Variants in RANBP2 observed in about 807,000 individuals in gnomAD.
RANBP2 encodes the protein RAN binding protein 2.
RANBP2 carries 57 observed loss-of-function variants against 303.6 expected under a neutral mutation model. The ratio of observed to expected loss-of-function variants is 0.19; its 90% CI spans 0.15 to 0.23. The LOEUF is 0.23. Ranked by LOEUF, RANBP2 falls within the 10% of genes least tolerant of loss-of-function variation. The pLI, the probability that RANBP2 is intolerant of heterozygous loss-of-function variation, is 1.00. For missense variants in RANBP2, 3,138 were observed against 3,780.8 expected (o/e 0.83, Z 4.46); for synonymous variants, 1,167 against 1,301.5 (o/e 0.90, Z 2.23).
the RANBP2 span, among the ~76,000 whole-genome samples, chr2:109,284,700 C>G: frequency 1.3e-5 from 2 of 152,208 alleles, no homozygotes; most frequent in Non-Finnish European, 2.9e-5. Context: ...CCTTCCCAGT[C>G]TAGGCCAGGC....
At chr2:109,358,304 C>T in the RANBP2 span, among the ~76,000 whole-genome samples, 52 of 152,144 alleles carry the variant, frequency 3.4e-4, no homozygotes, top group African/African-American at 1.1e-3. Flanking sequence ...ACCTACTAAA[C>T]GACATCTTGG....
the RANBP2 span, chr2:109,348,000 A>C: frequency 1.9e-6 from 3 of 1,541,976 alleles, no homozygotes. Context: ...CCTCTGTGCC[A>C]CCCAGGGCTC....
At chr2:109,569,610 C>A in the RANBP2 span, among the ~76,000 whole-genome samples, 1 of 152,034 alleles carries the variant, frequency 6.6e-6, no homozygotes, top group Admixed American at 6.5e-5. Context: ...TTCCAGCAAT[C>A]CTAAGTAAAC....
the RANBP2 span, among the ~76,000 whole-genome samples, chr2:109,733,756 C>T: frequency 1.3e-5 from 2 of 151,786 alleles, no homozygotes; most frequent in Non-Finnish European, 2.9e-5. Flanking sequence ...CCTGTAGTTC[C>T]AGTTACCCAG....
the RANBP2 span, among the ~76,000 whole-genome samples, chr2:109,335,616 T>C: frequency 6.6e-6 from 1 of 152,162 alleles, no homozygotes; most frequent in African/African-American, 2.4e-5. Context: ...TTTCTGACAT[T>C]CTCTAGATTT....
the RANBP2 span, among the ~76,000 whole-genome samples, chr2:109,281,061 T>C: frequency 6.6e-6 from 1 of 152,190 alleles, no homozygotes; most frequent in Non-Finnish European, 1.5e-5. Flanking sequence ...TTGTATGCCA[T>C]GACAGGGCCA....
chr2:108,791,692 A>T, the RANBP2 span: 1 of 1,607,574 alleles, frequency 6.2e-7, no homozygotes, highest in African/African-American at 1.3e-5. Flanking sequence ...GATGAACTGG[A>T]TTCTTTCCAT....
the RANBP2 span, among the ~76,000 whole-genome samples, chr2:108,876,830 G>A: frequency 6.6e-6 from 1 of 152,058 alleles, no homozygotes; most frequent in Admixed American, 6.6e-5. Flanking sequence ...TATATACAAG[G>A]CAAGACATTT....
At chr2:109,428,120 G>A in the RANBP2 span, among the ~76,000 whole-genome samples, 1,610 of 152,334 alleles carry the variant, frequency 0.011, 27 homozygotes, top group African/African-American at 0.033. Context: ...TGGAAGAGGT[G>A]AGGAGGAAGC....
the RANBP2 span, among the ~76,000 whole-genome samples, chr2:109,034,804 C>T: frequency 6.6e-6 from 1 of 152,198 alleles, no homozygotes; most frequent in African/African-American, 2.4e-5. Context: ...GGTAAAACCC[C>T]TCTCCTGTAC....
rs34872068 is a variant in RANBP2, at chr2:108,741,495, CTTTTTTTTTTTTT to C, written c.975+830_975+842del. Among the ~76,000 whole-genome samples, 136 of 61,806 alleles carry C rather than the reference CTTTTTTTTTTTTT, an allele frequency of 2.2e-3. 3 individuals are homozygous for C. The East Asian group carries it at 0.047, about 22-fold the overall frequency. 40.5% of individuals were successfully genotyped at this position (61,806 alleles called of 152,430 possible). A position where few individuals can be genotyped will look rare whatever the true frequency, so the allele number is the denominator to read the frequency against. Reference sequence around the variant, plus strand: ...ACAGGCGCAAGCCACTGCGCCTGGCCTTTTTTTTTTTTTTTTTTTTTTTTTTTTGAGATGGAAT... The same window carrying C: ...ACAGGCGCAAGCCACTGCGCCTGGCCTTTTTTTTTTTTTTTGAGATGGAAT... On this transcript the variant is annotated intron_variant, in intron 7 of 28. Transcript: ENST00000283195.
the RANBP2 span, among the ~76,000 whole-genome samples, chr2:109,714,621 A>T: frequency 1.1e-4 from 16 of 147,804 alleles, no homozygotes; most frequent in South Asian, 3.2e-3. Context: ...TTTATTTTTT[A>T]TTTTTTTTGA....
At chr2:109,615,398 C>T in the RANBP2 span, 4 of 1,612,996 alleles carry the variant, frequency 2.5e-6, no homozygotes, top group Admixed American at 6.7e-5. Flanking sequence ...TTACCGGCTT[C>T]ACTTGCCTGC....
At chr2:108,969,420 C>T in the RANBP2 span, among the ~76,000 whole-genome samples, 89 of 152,256 alleles carry the variant, frequency 5.8e-4, 3 homozygotes, top group South Asian at 0.012. Context: ...AATGAACTCA[C>T]GAATCAAGCA....
the RANBP2 span, among the ~76,000 whole-genome samples, chr2:109,735,358 T>C: frequency 2.0e-5 from 3 of 152,232 alleles, no homozygotes; most frequent in Admixed American, 1.3e-4. Context: ...TATGGCTGAA[T>C]AGTATTCTAC....
chr2:109,388,249 GC>G, the RANBP2 span, among the ~76,000 whole-genome samples: 2 of 152,194 alleles, frequency 1.3e-5, no homozygotes, highest in Middle Eastern at 3.2e-3. Flanking sequence ...TCTCAGCCAA[GC>G]CTTTCTCTAG....
Position 108,764,351 on chromosome 2 carries a change from A to G in RANBP2, c.3812A>G (p.Tyr1271Cys), listed in dbSNP as rs772848955. ...DRSFVWHALD[Y>C]ADELPKPEQL... ...TCTTTTGTATGGCATGCCCTTGATTATGCAGATGAGTTGCCAAAACCAGAA... is the reference window on the plus strand; with the variant it reads ...TCTTTTGTATGGCATGCCCTTGATTGTGCAGATGAGTTGCCAAAACCAGAA... Residue 1271 changes from tyrosine (Y) to cysteine (C), a missense_variant, in exon 20 of 29, where the codon TAT (tyrosine) becomes TGT (cysteine). Physicochemically the swap from Tyr to Cys is radical, Grantham distance 194 (BLOSUM62 -2). Around this residue, in one of 20 missense-constraint regions of RANBP2, gnomAD observed 72 missense variants for 119.5 expected, o/e 0.60. Transcript: ENST00000283195. 6.2e-7 allele frequency: 1 copy of G among 1,613,878 alleles called. No individual in the cohort carries two copies. Among genetic ancestry groups the G allele is most frequent in the East Asian group, 2.2e-5 (1 of 44,874 alleles).
chr2:108,760,800 A>AT (rs1203313887), intron 18 of RANBP2, among the ~76,000 whole-genome samples: 5 of 152,076 alleles, frequency 3.3e-5, no homozygotes, highest in Admixed American at 6.6e-5. Context: ...TGTTAATGTG[A>AT]TTTTTTTAAA....
the RANBP2 span, among the ~76,000 whole-genome samples, chr2:108,907,491 A>C: frequency 2.0e-5 from 3 of 151,930 alleles, no homozygotes; most frequent in African/African-American, 7.2e-5. Flanking sequence ...ACTAAAATAT[A>C]AAAAAAATTA....
Sources: allele counts gnomAD v4.1 joint callset (sites outside exome capture counted in the v4.1 genomes callset), GRCh38; gene constraint gnomAD v4.1.1; regional missense constraint gnomAD v4.1.1; transcripts MANE v1.5; gene names NCBI Gene and HGNC (gene_info 2026-07-23, HGNC 2026-07-21).